Variants in SLC9C1 observed in about 807,000 individuals in gnomAD.
SLC9C1 encodes solute carrier family 9 member C1, also known as sodium/hydrogen exchanger 10.
In SLC9C1, 97 loss-of-function variants were observed where a neutral mutation model predicts 140.9. The observed-to-expected ratio is 0.69, with a 90% CI of 0.58 to 0.82. The LOEUF (loss-of-function observed/expected upper bound fraction) is 0.82. Ranked by LOEUF, SLC9C1 falls within the 40% of genes least tolerant of loss-of-function variation. The pLI, the probability that SLC9C1 is intolerant of heterozygous loss-of-function variation, is 0.00. For synonymous variants in SLC9C1, 440 were observed against 442.6 expected (o/e 0.99, Z 0.07); for missense variants, 1,340 against 1,389.3 (o/e 0.96, Z 0.56).
At chr3:112,150,842 T>TATATATA (rs1560003735) in intron 28 of SLC9C1, among the ~76,000 whole-genome samples, 2 of 39,104 alleles carry the variant, frequency 5.1e-5, no homozygotes, top group African/African-American at 3.8e-4. Context: ...ATATATATAT[T>TATATATA]TTTTTTTTTT....
In SLC9C1 at chr3:112,170,500, G is replaced by A. The variant is rs182312898; in HGVS notation, c.2920-1172C>T. On this transcript the variant is annotated intron_variant, in intron 23 of 28. Transcript: ENST00000305815. Reference sequence around the variant, plus strand: ...TATTTTCTTGCTGTTGAGCTTTTGAGTTCCTTATATATTTTAGATACAAAC... The same window carrying A: ...TATTTTCTTGCTGTTGAGCTTTTGAATTCCTTATATATTTTAGATACAAAC... Among the ~76,000 whole-genome samples, 3 of 152,106 alleles carry A rather than the reference G, an allele frequency of 2.0e-5. No homozygotes were observed. In the East Asian group the frequency reaches 5.8e-4, roughly 29 times the overall value.
At chr3:112,227,146 T>C (rs913105872) in intron 13 of SLC9C1, among the ~76,000 whole-genome samples, 9 of 152,028 alleles carry the variant, frequency 5.9e-5, no homozygotes, top group Non-Finnish European at 1.0e-4. Flanking sequence ...GAAGTCCGAA[T>C]AGACCAATGA....
At chr3:112,181,898 T>C (rs1269106035) in intron 21 of SLC9C1, among the ~76,000 whole-genome samples, 4 of 151,992 alleles carry the variant, frequency 2.6e-5, no homozygotes, top group Non-Finnish European at 5.9e-5. Context: ...TGGTTCAGTA[T>C]AAATAGAGTA....
Position 112,243,849 on chromosome 3 carries a change from C to A in SLC9C1, c.1279+146G>T, listed in dbSNP as rs557394159. Reference sequence around the variant, plus strand: ...AGGACAACAGGTGTGCACTGCCACGCCTGGCTAATTTTTAAACTTTTTGTA... The same window carrying A: ...AGGACAACAGGTGTGCACTGCCACGACTGGCTAATTTTTAAACTTTTTGTA... On this transcript the variant is annotated intron_variant, in intron 11 of 28. Transcript: ENST00000305815. 3.4e-5 allele frequency: 17 copies of A among 498,654 alleles called. No individual in the cohort carries two copies. In the East Asian group the frequency reaches 5.5e-4, roughly 16 times the overall value. The allele number at this position is 498,654 out of a possible 1,614,324, so 30.9% of individuals were successfully genotyped here.
At chr3:112,214,886 G>A (rs2078313084) in intron 15 of SLC9C1, among the ~76,000 whole-genome samples, 4 of 147,022 alleles carry the variant, frequency 2.7e-5, no homozygotes, top group African/African-American at 5.1e-5. Context: ...AGATATCAAA[G>A]CCTGGCAGAG....
At chr3:112,181,943 A>T (rs1245714019) in intron 21 of SLC9C1, among the ~76,000 whole-genome samples, 190 bp downstream of exon 21, 1 of 152,202 alleles carries the variant, frequency 6.6e-6, no homozygotes, top group Non-Finnish European at 1.5e-5. Context: ...CAGAAGACAA[A>T]GCTGAAGTAG....
At chr3:112,151,526 T>C (rs766077844) in intron 28 of SLC9C1, 3 of 523,110 alleles carry the variant, frequency 5.7e-6, no homozygotes, top group Non-Finnish European at 1.1e-5. Flanking sequence ...AGTCATAACT[T>C]ATCTTTTTAT....
chr3:112,143,719 C>CAG (rs1488383839), intron 28 of SLC9C1, among the ~76,000 whole-genome samples: 2 of 152,114 alleles, frequency 1.3e-5, no homozygotes, highest in Non-Finnish European at 2.9e-5. Context: ...TTCTGCTGTG[C>CAG]AGAAGCTCTT....
rs939673453 is a variant in SLC9C1 at position 112,201,856 on chromosome 3, A to T, written c.2322+394T>A. On this transcript the variant is annotated intron_variant, in intron 18 of 28. Coordinates refer to ENST00000305815, the MANE Select transcript of SLC9C1 (RefSeq NM_183061.3). ...GTGTAGAAAACAAGGATAGAGAGAG[A>T]TGAAAGAAGCTTTTGGGCATTATGA... Among the ~76,000 whole-genome samples the T allele has an allele frequency of 8.6e-5, 13 of 151,862 alleles. 1 individual carries two copies.
intron 26 of SLC9C1, among the ~76,000 whole-genome samples, chr3:112,160,567 A>G (rs994042188): frequency 5.9e-5 from 9 of 151,542 alleles, no homozygotes; most frequent in East Asian, 1.9e-4. Context: ...ATGATTTCCA[A>G]TTTCATCCAT....
chr3:112,231,111 C>T (rs2078808440), intron 13 of SLC9C1, among the ~76,000 whole-genome samples: 1 of 135,394 alleles, frequency 7.4e-6, no homozygotes, highest in South Asian at 2.7e-4. Flanking sequence ...TTCCTTCTTT[C>T]TCTGTCTTTC....
Position 112,244,093 on chromosome 3 carries a change from T to G in SLC9C1, c.1198-17A>C. On this transcript the variant is annotated splice_polypyrimidine_tract_variant and intron_variant, in intron 10 of 28. Transcript: ENST00000305815. ...AAATAATATCTAGAATTGAAAAAAA[T>G]ACAAAGTAAGTATTCATGACAATTT... is the stretch of plus-strand genomic sequence containing the variant. 6.7e-7 allele frequency: 1 copy of G among 1,502,720 alleles called. No individual in the cohort carries two copies. 93.1% of individuals were successfully genotyped at this position (1,502,720 alleles called of 1,614,324 possible). A position where few individuals can be genotyped will look rare whatever the true frequency, so the allele number is the denominator to read the frequency against.
At chr3:112,252,546 T>C (rs2079492109) in intron 10 of SLC9C1, among the ~76,000 whole-genome samples, 1 of 152,156 alleles carries the variant, frequency 6.6e-6, no homozygotes, top group Admixed American at 6.6e-5. Flanking sequence ...TGCCTTTTTA[T>C]GCAGGTTCCT....
chr3:112,253,403 T>G (rs901634023), intron 10 of SLC9C1, among the ~76,000 whole-genome samples: 4 of 152,108 alleles, frequency 2.6e-5, no homozygotes, highest in African/African-American at 4.8e-5. Flanking sequence ...TGGCTGCAAC[T>G]GTAAGGAAAT....
intron 28 of SLC9C1, chr3:112,147,631 G>T: frequency 3.9e-6 from 1 of 256,602 alleles, no homozygotes; most frequent in Non-Finnish European, 7.9e-6. Flanking sequence ...TGGCTTGTAA[G>T]GTTTCTGGTG....
At chr3:112,234,357 A>C (rs531189760) in intron 12 of SLC9C1, among the ~76,000 whole-genome samples, 3 of 152,070 alleles carry the variant, frequency 2.0e-5, no homozygotes, top group Admixed American at 6.6e-5. Flanking sequence ...CTTTGAGTTC[A>C]TTGTAGATTC....
intron 7 of SLC9C1, 57 bp downstream of exon 7, chr3:112,269,859 A>G: frequency 7.2e-7 from 1 of 1,396,832 alleles, no homozygotes; most frequent in African/African-American, 1.5e-5. Context: ...TTTTTCATAT[A>G]TTTTTATTTT....
intron 15 of SLC9C1, among the ~76,000 whole-genome samples, chr3:112,211,892 A>C (rs1481324739): frequency 6.6e-6 from 1 of 152,214 alleles, no homozygotes; most frequent in African/African-American, 2.4e-5. Context: ...AGATCTGAGA[A>C]CGGACAGACT....
chr3:112,267,519 T>G (rs906060633), intron 7 of SLC9C1, among the ~76,000 whole-genome samples: 1 of 128,148 alleles, frequency 7.8e-6, no homozygotes, highest in Non-Finnish European at 1.5e-5. Context: ...GAGTTTGCAG[T>G]GAGCAGAGAT....
Sources: gnomAD v4.1 joint callset for allele counts (sites outside exome capture counted in the v4.1 genomes callset) on GRCh38, gnomAD v4.1.1 for gene constraint, MANE v1.5 for transcripts, NCBI Gene and HGNC (gene_info 2026-07-23, HGNC 2026-07-21) for gene names.